UCMA: variants seen among roughly 807,000 people sequenced by gnomAD.
UCMA encodes upper zone of growth plate and cartilage matrix-associated protein.
In UCMA, 21 loss-of-function variants were observed where a neutral mutation model predicts 21.8. That is an observed-to-expected ratio of 0.97 (90% CI 0.68 to 1.39). The LOEUF (loss-of-function observed/expected upper bound fraction) is 1.39, where lower values mean the gene tolerates loss of function less well. Ranked by LOEUF, UCMA falls within the 40% of genes most tolerant of loss-of-function variation. The pLI is 0.00. For missense variants in UCMA, 193 were observed against 178.9 expected (o/e 1.08, Z -0.45); for synonymous variants, 76 against 67.9 (o/e 1.12, Z -0.58).
chr10:13,225,061 T>C (rs1834806744), intron 4 of UCMA, among the ~76,000 whole-genome samples: 1 of 151,798 alleles, frequency 6.6e-6, no homozygotes, highest in African/African-American at 2.4e-5. Flanking sequence ...ATCCCTTTTT[T>C]TGTTGTTTTT....
chr10:13,224,238 G>T (rs1834795493), intron 4 of UCMA, among the ~76,000 whole-genome samples: 2 of 151,166 alleles, frequency 1.3e-5, no homozygotes, highest in Non-Finnish European at 3.0e-5. Flanking sequence ...GAGTTGGGAG[G>T]ATTGCTCGAG....
Position 13,233,726 on chromosome 10 carries a change from T to C in UCMA, c.124+9A>G, listed in dbSNP as rs762491688. The C allele has an allele frequency of 1.2e-6, 2 of 1,614,050 alleles. No homozygotes were observed. Among genetic ancestry groups the C allele is most frequent in the African/African-American group, 2.7e-5 (2 of 74,990 alleles). On this transcript the variant is annotated intron_variant, in intron 2 of 4. Transcript: ENST00000378681. Reference sequence around the variant, plus strand: ...CCTGCCCTGCCCCGTGGGTGGCCCCTGCACTCACCTTCACTCGCCTCTTCT... The same window carrying C: ...CCTGCCCTGCCCCGTGGGTGGCCCCCGCACTCACCTTCACTCGCCTCTTCT...
At chr10:13,232,243 G>A (rs1162645319) in intron 3 of UCMA, among the ~76,000 whole-genome samples, 1 of 151,892 alleles carries the variant, frequency 6.6e-6, no homozygotes, top group Non-Finnish European at 1.5e-5. Context: ...GTGGTGGCAG[G>A]CATCTGTAAT....
chr10:13,225,336 T>A (rs1192441818), intron 4 of UCMA, among the ~76,000 whole-genome samples: 1 of 151,204 alleles, frequency 6.6e-6, no homozygotes, highest in Non-Finnish European at 1.5e-5. Context: ...AAGTAAGTAC[T>A]TTGGGGAGAT....
chr10:13,222,554 T>G (rs1834771461), intron 4 of UCMA, among the ~76,000 whole-genome samples: 1 of 152,146 alleles, frequency 6.6e-6, no homozygotes, highest in African/African-American at 2.4e-5. Context: ...GTAGCAGGAA[T>G]GGACTACTGG....
At chr10:13,222,582 A>T (rs564873811) in intron 4 of UCMA, among the ~76,000 whole-genome samples, 2 of 152,334 alleles carry the variant, frequency 1.3e-5, no homozygotes, top group South Asian at 4.1e-4. Flanking sequence ...TGCAAGAAAA[A>T]TAAGGGACTA....
In UCMA at chr10:13,229,639, A is replaced by G; in HGVS notation, c.291T>C (p.Phe97=). 1 of 1,614,160 alleles carries G rather than the reference A, an allele frequency of 6.2e-7. No homozygotes were observed. The highest frequency in any genetic ancestry group is 1.3e-5 in the African/African-American group (1 of 75,056). ...CGTTTTGTTCCTCCACGAAGTTCTC[A>G]AATTCATTCCTTTGTTCCTCGTAAT... is the stretch of plus-strand genomic sequence containing the variant. ...REYYEEQRNE[F]ENFVEEQNDE... Residue 97 remains phenylalanine, a synonymous_variant, in exon 4 of 5, where the codon TTT becomes TTC. Transcript: ENST00000378681.
chr10:13,227,701 A>C (rs1385909650), intron 4 of UCMA, among the ~76,000 whole-genome samples: 3 of 139,658 alleles, frequency 2.1e-5, no homozygotes, highest in African/African-American at 8.2e-5. Context: ...TGGGTGACAG[A>C]ATGAGACTGT....
chr10:13,222,362 T>G (rs1834769556), intron 4 of UCMA, among the ~76,000 whole-genome samples, 162 bp from the exon 5 acceptor site: 1 of 152,160 alleles, frequency 6.6e-6, no homozygotes, highest in African/African-American at 2.4e-5. Flanking sequence ...CCAGAGTATG[T>G]GAGCTGACAA....
At chr10:13,233,315 G>A (rs556191203) in intron 3 of UCMA, among the ~76,000 whole-genome samples, 28 of 151,862 alleles carry the variant, frequency 1.8e-4, no homozygotes, top group African/African-American at 6.3e-4. Flanking sequence ...TTGCAGAGGT[G>A]GGGCCTCCTA....
intron 4 of UCMA, among the ~76,000 whole-genome samples, chr10:13,227,951 C>T (rs1484447924): frequency 6.6e-6 from 1 of 152,074 alleles, no homozygotes; most frequent in Non-Finnish European, 1.5e-5. Flanking sequence ...CCACTGAGCC[C>T]TGGCACAGCC....
intron 4 of UCMA, among the ~76,000 whole-genome samples, chr10:13,223,173 C>T (rs1834779842): frequency 6.7e-6 from 1 of 149,776 alleles, no homozygotes; most frequent in African/African-American, 2.5e-5. Context: ...ATGCAGTGAG[C>T]TGAGATCACG....
chr10:13,232,865 T>C (rs1344778905), intron 3 of UCMA, among the ~76,000 whole-genome samples: 1 of 151,746 alleles, frequency 6.6e-6, no homozygotes, highest in African/African-American at 2.4e-5. Context: ...ATGAGGACCC[T>C]GAAGCCGGGG....
chr10:13,226,730 A>G (rs938414856), intron 4 of UCMA, among the ~76,000 whole-genome samples: 1 of 152,160 alleles, frequency 6.6e-6, no homozygotes, highest in Non-Finnish European at 1.5e-5. Flanking sequence ...GCAAGGGCTC[A>G]AGGACAACAG....
rs1834871138 is a variant in UCMA at position 13,229,595 on chromosome 10, G to A, written c.319+16C>T. ...ACGCTCCACCTCCCTGAAGACACTG[G>A]CTGAAGAGCTCTTACCATCGTTTTG... On this transcript the variant is annotated intron_variant, in intron 4 of 4. Coordinates refer to ENST00000378681, the MANE Select transcript of UCMA (RefSeq NM_145314.3). 4.3e-6 allele frequency: 7 copies of A among 1,609,648 alleles called. No individual in the cohort carries two copies. In the East Asian group the frequency reaches 1.6e-4, roughly 36 times the overall value.
intron 3 of UCMA, among the ~76,000 whole-genome samples, chr10:13,230,337 C>T (rs1834882240): frequency 6.6e-6 from 1 of 152,150 alleles, no homozygotes. Context: ...ATCCTTCCCT[C>T]TGCTTAAGAG....
intron 3 of UCMA, among the ~76,000 whole-genome samples, chr10:13,232,402 A>G (rs1444486693): frequency 6.7e-6 from 1 of 150,098 alleles, no homozygotes; most frequent in African/African-American, 2.4e-5. Context: ...AAAAGAGGAC[A>G]GAAGCTATTT....
At chr10:13,226,869 A>G (rs892434971) in intron 4 of UCMA, among the ~76,000 whole-genome samples, 13 of 152,276 alleles carry the variant, frequency 8.5e-5, no homozygotes, top group African/African-American at 2.9e-4. Flanking sequence ...ATTCATCAAG[A>G]AAGGGAAAAC....
At chr10:13,228,814 C>T (rs1834858677) in intron 4 of UCMA, among the ~76,000 whole-genome samples, 1 of 149,930 alleles carries the variant, frequency 6.7e-6, no homozygotes, top group African/African-American at 2.5e-5. Context: ...TTAATATCCA[C>T]ACAGTCAGCA....
Sources: gnomAD v4.1 joint callset for allele counts (sites outside exome capture counted in the v4.1 genomes callset) on GRCh38, gnomAD v4.1.1 for gene constraint, MANE v1.5 for transcripts, NCBI Gene and HGNC (gene_info 2026-07-23, HGNC 2026-07-21) for gene names.